The following PSMB7 variants were observed in gnomAD, a reference collection of about 807,000 sequenced individuals.
PSMB7 encodes proteasome subunit beta type-7.
PSMB7 carries 5 observed loss-of-function variants against 28.1 expected under a neutral mutation model. The observed-to-expected ratio is 0.18, with a 90% confidence interval of 0.09 to 0.37. PSMB7 has a LOEUF of 0.37. Among genes scored for constraint, PSMB7 ranks in the 10% least tolerant of loss-of-function variants. PSMB7 has a pLI of 1.00. For synonymous variants in PSMB7, 122 were observed against 123.7 expected (o/e 0.99, Z 0.09); for missense variants, 275 against 346.2 (o/e 0.79, Z 1.63).
intron 5 of PSMB7, among the ~76,000 whole-genome samples, chr9:124,400,505 C>G (rs1368127409): frequency 1.3e-5 from 2 of 152,174 alleles, no homozygotes; most frequent in Admixed American, 1.3e-4. Context: ...TGAGCTTCAC[C>G]AATCAGAAGC....
chr9:124,370,554 CT>C (rs1230850839), intron 6 of PSMB7, among the ~76,000 whole-genome samples: 4 of 151,334 alleles, frequency 2.6e-5, no homozygotes, highest in Non-Finnish European at 4.4e-5. Context: ...AACTGCAAAG[CT>C]TTTTTTTTCT....
At chr9:124,415,102 G>A (rs1831073125) in intron 1 of PSMB7, 167 bp from the exon 2 acceptor site, 3 of 633,166 alleles carry the variant, frequency 4.7e-6, no homozygotes, top group Non-Finnish European at 8.2e-6. Context: ...TTCCAACGAA[G>A]ACAGTCTTAC....
intron 5 of PSMB7, among the ~76,000 whole-genome samples, chr9:124,396,297 T>C (rs10818958): frequency 3.0e-5 from 3 of 99,982 alleles, no homozygotes; most frequent in Admixed American, 3.0e-4. Context: ...GGTTGTACTT[T>C]AGCATAAAAA....
At chr9:124,390,073 A>C (rs555440978) in intron 5 of PSMB7, among the ~76,000 whole-genome samples, 1 of 152,376 alleles carries the variant, frequency 6.6e-6, no homozygotes, top group African/African-American at 2.4e-5. Flanking sequence ...TTTACGAAAG[A>C]GAAAAGGTAG....
chr9:124,385,904 T>C (rs748637447), intron 5 of PSMB7, among the ~76,000 whole-genome samples: 1 of 152,034 alleles, frequency 6.6e-6, no homozygotes, highest in Admixed American at 6.5e-5. Context: ...ATTTAAAGGG[T>C]AGAAACAGCA....
At position 124,356,826 on chromosome 9, in the gene PSMB7, G is replaced by C; in HGVS notation, c.660C>G (p.Val220=). The C allele has an allele frequency of 6.2e-7, 1 of 1,614,180 alleles. No homozygotes were observed. ...GAAAATCCAGCTTGTTCTTGCTGAT[G>C]ACGCAGAGGTCAATGTTGCTTCCGG... ...LGSGSNIDLC[V]ISKNKLDFLR... The change falls in exon 7 of 8, where the codon GTC becomes GTG. Residue 220 remains valine (V), a synonymous_variant. Coordinates refer to ENST00000259457, the MANE Select transcript of PSMB7 (RefSeq NM_002799.4). This position sits in a 1 kb window ranked among gnomAD's most constrained non-coding sequence, Gnocchi z 4.4.
intron 6 of PSMB7, among the ~76,000 whole-genome samples, chr9:124,374,961 C>T (rs896866140): frequency 2.6e-5 from 4 of 151,828 alleles, no homozygotes; most frequent in Admixed American, 6.6e-5. Context: ...GCCAATATGG[C>T]GAAACACCAT....
At chr9:124,377,930 C>A (rs1830629776) in intron 6 of PSMB7, among the ~76,000 whole-genome samples, 1 of 152,226 alleles carries the variant, frequency 6.6e-6, no homozygotes, top group African/African-American at 2.4e-5. Flanking sequence ...AAAAAAAGAT[C>A]CTGCTGGTGT....
intron 6 of PSMB7, among the ~76,000 whole-genome samples, chr9:124,364,666 C>T (rs912417806): frequency 6.6e-6 from 1 of 152,098 alleles, no homozygotes; most frequent in Admixed American, 6.6e-5. Context: ...CAACGCGGCC[C>T]GTGATAACTC....
intron 5 of PSMB7, 118 bp downstream of exon 5, chr9:124,405,199 T>C (rs1307028043): frequency 5.9e-6 from 4 of 674,050 alleles, no homozygotes; most frequent in African/African-American, 5.4e-5. Flanking sequence ...ATATATTTGC[T>C]GAATGAATCA....
chr9:124,364,067 C>G (rs1830486405), intron 6 of PSMB7, among the ~76,000 whole-genome samples: 1 of 152,220 alleles, frequency 6.6e-6, no homozygotes, highest in African/African-American at 2.4e-5. Context: ...GGACGGTTAG[C>G]ACGTCCTAGG....
At chr9:124,382,170 A>AGAGT (rs1191325023) in intron 6 of PSMB7, among the ~76,000 whole-genome samples, 1 of 142,446 alleles carries the variant, frequency 7.0e-6, no homozygotes, top group Admixed American at 7.0e-5. Context: ...CCTGGATGAC[A>AGAGT]GAGTGAGACT....
intron 5 of PSMB7, among the ~76,000 whole-genome samples, chr9:124,393,552 CA>C (rs1564682893): frequency 6.6e-6 from 1 of 152,196 alleles, no homozygotes; most frequent in Non-Finnish European, 1.5e-5. Flanking sequence ...ATTTGTAAGG[CA>C]TCCAACAATT....
chr9:124,405,141 A>G (rs968687549), intron 5 of PSMB7, among the ~76,000 whole-genome samples, 176 bp downstream of exon 5: 1 of 152,230 alleles, frequency 6.6e-6, no homozygotes, highest in Non-Finnish European at 1.5e-5. Flanking sequence ...GTTGACTGCT[A>G]TATAGCAAGC....
chr9:124,362,102 C>A (rs1830469601), intron 6 of PSMB7, among the ~76,000 whole-genome samples: 1 of 152,192 alleles, frequency 6.6e-6, no homozygotes. Context: ...ATGCACTTGA[C>A]TGAAAACCTA....
At chr9:124,399,637 A>C (rs562662337) in intron 5 of PSMB7, among the ~76,000 whole-genome samples, 1 of 152,230 alleles carries the variant, frequency 6.6e-6, no homozygotes, top group African/African-American at 2.4e-5. Flanking sequence ...GATGGCCCCA[A>C]ATGAAGGCGT....
At chr9:124,397,135 T>G (rs1199756473) in intron 5 of PSMB7, among the ~76,000 whole-genome samples, 2 of 152,146 alleles carry the variant, frequency 1.3e-5, no homozygotes, top group African/African-American at 4.8e-5. Flanking sequence ...CTCACATACT[T>G]CCTTACTTGT....
intron 6 of PSMB7, among the ~76,000 whole-genome samples, chr9:124,357,692 C>T (rs537232275): frequency 6.6e-6 from 1 of 152,342 alleles, no homozygotes; most frequent in South Asian, 2.1e-4. Flanking sequence ...CCGAGAAGCC[C>T]CATCACATGC....
intron 6 of PSMB7, among the ~76,000 whole-genome samples, chr9:124,378,560 C>A (rs966250170): frequency 4.6e-5 from 7 of 152,280 alleles, no homozygotes; most frequent in Non-Finnish European, 8.8e-5. Flanking sequence ...GCAGCCCTCG[C>A]AAGATATTCT....
Sources: allele counts gnomAD v4.1 joint callset (sites outside exome capture counted in the v4.1 genomes callset), GRCh38; gene constraint gnomAD v4.1.1; non-coding constraint Gnocchi (gnomAD v3.1); transcripts MANE v1.5; gene names NCBI Gene and HGNC (gene_info 2026-07-23, HGNC 2026-07-21).